MAF: variants seen among roughly 807,000 people sequenced by gnomAD.
The protein encoded by MAF is transcription factor Maf.
MAF carries 10 observed loss-of-function variants against 22.0 expected under a neutral mutation model. The ratio of observed to expected loss-of-function variants is 0.45; its 90% CI spans 0.28 to 0.77. MAF has a LOEUF of 0.77. Among genes scored for constraint, MAF ranks in the 30% least tolerant of loss-of-function variants. MAF has a pLI of 0.12. For missense variants in MAF, 544 were observed against 548.4 expected, an observed-to-expected ratio of 0.99 and a Z score of 0.08; for synonymous variants, 337 against 255.8, an observed-to-expected ratio of 1.32 and a Z score of -3.03.
At chr16:79,554,963 C>A in the MAF span, among the ~76,000 whole-genome samples, 2 of 152,150 alleles carry the variant, frequency 1.3e-5, no homozygotes, top group African/African-American at 4.8e-5. Context: ...TTCCTCTGAG[C>A]CTACAGCCCA....
At chr16:79,576,725 T>G in the MAF span, among the ~76,000 whole-genome samples, 1 of 152,202 alleles carries the variant, frequency 6.6e-6, no homozygotes, top group Non-Finnish European at 1.5e-5. Context: ...TTCCATATAA[T>G]ATTGTCCAAG....
chr16:79,568,102 G>T, the MAF span, among the ~76,000 whole-genome samples: 1 of 152,198 alleles, frequency 6.6e-6, no homozygotes, highest in African/African-American at 2.4e-5. Flanking sequence ...GTTTTCAAAT[G>T]TTGGGGGTGG....
At chr16:79,403,490 G>A in the MAF span, among the ~76,000 whole-genome samples, 1 of 152,146 alleles carries the variant, frequency 6.6e-6, no homozygotes, top group African/African-American at 2.4e-5. Flanking sequence ...TCACTTCCCT[G>A]CCTCTGTGCA....
At chr16:79,492,162 C>T in the MAF span, among the ~76,000 whole-genome samples, 22 of 152,298 alleles carry the variant, frequency 1.4e-4, no homozygotes, top group East Asian at 5.8e-4. Context: ...GGGTGCCTAA[C>T]GGTCTGCTCA....
chr16:79,478,867 T>C, the MAF span, among the ~76,000 whole-genome samples: 2 of 151,786 alleles, frequency 1.3e-5, no homozygotes, highest in Non-Finnish European at 2.9e-5. Context: ...CCAGCATACC[T>C]ATATACCATC....
the MAF span, among the ~76,000 whole-genome samples, chr16:79,274,669 G>A: frequency 1.3e-5 from 2 of 152,118 alleles, no homozygotes; most frequent in East Asian, 3.9e-4. Flanking sequence ...GGTTCAGGGG[G>A]TTGAGCTTAA....
chr16:79,211,492 C>G, the MAF span: 2 of 1,335,304 alleles, frequency 1.5e-6, no homozygotes, highest in South Asian at 1.2e-5. Flanking sequence ...ATGCCAAGAT[C>G]CAGCTGAAAC....
the MAF span, among the ~76,000 whole-genome samples, chr16:79,391,348 G>A: frequency 6.6e-6 from 1 of 152,060 alleles, no homozygotes; most frequent in Non-Finnish European, 1.5e-5. Context: ...TTTTTGGGGG[G>A]CTTTTCTCTC....
chr16:79,216,929 C>A, the MAF span, among the ~76,000 whole-genome samples: 1 of 151,992 alleles, frequency 6.6e-6, no homozygotes, highest in Admixed American at 6.5e-5. Flanking sequence ...CCTGCCTCAG[C>A]CTCCTGAATA....
the MAF span, among the ~76,000 whole-genome samples, chr16:79,434,351 C>G: frequency 4.1e-4 from 63 of 152,274 alleles, no homozygotes; most frequent in East Asian, 8.1e-3. Flanking sequence ...AGAGGGGGAA[C>G]CTTAATTTTA....
chr16:79,535,151 C>G, the MAF span, among the ~76,000 whole-genome samples: 1 of 151,542 alleles, frequency 6.6e-6, no homozygotes, highest in Non-Finnish European at 1.5e-5. Context: ...ACCCACAAAT[C>G]TCAGTGGCTT....
chr16:79,411,183 A>G, the MAF span, among the ~76,000 whole-genome samples: 1 of 152,044 alleles, frequency 6.6e-6, no homozygotes, highest in East Asian at 1.9e-4. Context: ...TTCGCCTTGC[A>G]GTTTTCTCAC....
At chr16:79,211,032 G>GTGTGTGT in the MAF span, among the ~76,000 whole-genome samples, 1 of 30,442 alleles carries the variant, frequency 3.3e-5, no homozygotes, top group Non-Finnish European at 7.0e-5. Context: ...TGTATGGTGA[G>GTGTGTGT]GAGTGTGTGT....
chr16:79,249,623 T>TACA, the MAF span, among the ~76,000 whole-genome samples: 1 of 152,108 alleles, frequency 6.6e-6, no homozygotes, highest in African/African-American at 2.4e-5. Context: ...TTAAGGTAAT[T>TACA]TGTTCTAGCA....
chr16:79,327,417 T>C, the MAF span, among the ~76,000 whole-genome samples: 6 of 152,200 alleles, frequency 3.9e-5, no homozygotes, highest in South Asian at 2.1e-4. Flanking sequence ...TATTTTCTCA[T>C]TGATAGTCTC....
the MAF span, among the ~76,000 whole-genome samples, chr16:79,526,383 A>T: frequency 6.6e-6 from 1 of 152,128 alleles, no homozygotes; most frequent in East Asian, 1.9e-4. Context: ...TGCTGATTTG[A>T]CGGGAGGCAG....
the MAF span, among the ~76,000 whole-genome samples, chr16:79,553,236 G>A: frequency 2.6e-5 from 4 of 152,224 alleles, no homozygotes; most frequent in Non-Finnish European, 5.9e-5. Context: ...CGTTCCTCAA[G>A]GCACAGCAAC....
chr16:79,299,797 T>C, the MAF span, among the ~76,000 whole-genome samples: 193 of 152,364 alleles, frequency 1.3e-3, 1 homozygote, highest in African/African-American at 4.5e-3. Context: ...TCTCTCTTCC[T>C]TTCTTATTTT....
the MAF span, among the ~76,000 whole-genome samples, chr16:79,413,231 T>G: frequency 1.0e-4 from 3 of 28,780 alleles, no homozygotes; most frequent in Admixed American, 9.7e-4. Context: ...TTTTTTTTTT[T>G]TTTTTTTTTT....
Sources: gnomAD v4.1 joint callset for allele counts (sites outside exome capture counted in the v4.1 genomes callset) on GRCh38, gnomAD v4.1.1 for gene constraint, MANE v1.5 for transcripts, NCBI Gene and HGNC (gene_info 2026-07-23, HGNC 2026-07-21) for gene names.